ISOC1: variants seen among roughly 807,000 people sequenced by gnomAD.
The protein encoded by ISOC1 is isochorismatase domain containing 1.
A neutral mutation model predicts 30.0 loss-of-function variants in ISOC1; 33 were observed. The ratio of observed to expected loss-of-function variants is 1.10; its 90% CI spans 0.83 to 1.47. ISOC1 has a LOEUF of 1.47. ISOC1 is among the 40% of genes most tolerant of loss of function. The pLI is 0.00. For synonymous variants in ISOC1, 178 were observed against 159.8 expected (o/e 1.11, Z -0.86); for missense variants, 372 against 388.0 (o/e 0.96, Z 0.35).
intron 1 of ISOC1, among the ~76,000 whole-genome samples, chr5:129,098,927 T>C (rs540942772): frequency 3.5e-4 from 53 of 152,240 alleles, no homozygotes; most frequent in African/African-American, 1.3e-3. Flanking sequence ...CGCCTTTGGC[T>C]TGATAGTTTG....
At chr5:129,107,564 A>G (rs554669904) in intron 4 of ISOC1, among the ~76,000 whole-genome samples, 81 of 152,346 alleles carry the variant, frequency 5.3e-4, no homozygotes, top group Non-Finnish European at 1.1e-3. Flanking sequence ...ATAGGGCAGA[A>G]TAACATCTAT....
Position 129,102,625 on chromosome 5 carries a change from T to C in ISOC1, c.310-2331T>C, listed in dbSNP as rs1378277455. 9.2e-5 allele frequency among the ~76,000 whole-genome samples: 14 copies of C among 152,362 alleles called. 1 individual carries two copies. In the South Asian group the frequency reaches 2.9e-3, roughly 32 times the overall value. ...TCTGAAATATATAATTTAACAGTTT[T>C]CTTAATGAGTGTGCTGGAATGATGT... On this transcript the variant is annotated intron_variant, in intron 1 of 4. Coordinates refer to ENST00000173527, the MANE Select transcript of ISOC1 (RefSeq NM_016048.2).
At chr5:129,101,980 G>A (rs1288611555) in intron 1 of ISOC1, among the ~76,000 whole-genome samples, 3 of 152,108 alleles carry the variant, frequency 2.0e-5, no homozygotes, top group African/African-American at 4.8e-5. Flanking sequence ...AAGGTCACAA[G>A]GGTCATTCTC....
Position 129,094,834 on chromosome 5 carries a change from C to T in ISOC1, c.68C>T (p.Ser23Leu). The T allele has an allele frequency of 1.3e-6, 2 of 1,554,214 alleles. No homozygotes were observed. The highest frequency in any genetic ancestry group is 1.7e-6 in the Non-Finnish European group (2 of 1,152,804). The change falls in exon 1 of 5, where the codon TCG (serine) becomes TTG (leucine). Residue 23 changes from serine to leucine, a missense_variant. Ser to Leu is a moderately radical substitution (Grantham distance 145). Coordinates refer to ENST00000173527, the MANE Select transcript of ISOC1 (RefSeq NM_016048.2). ...NSGAGGAGAP[S>L]GTVPVLFCFS... is the part of the protein sequence containing the mutation. ...GGCGCCGGGGGCGCGGGGGCGCCGT[C>T]GGGCACAGTCCCGGTGCTCTTCTGT... is the stretch of plus-strand genomic sequence containing the variant.
At position 129,105,226 on chromosome 5, in the gene ISOC1, A is replaced by G. The variant is rs1036995877; in HGVS notation, c.471A>G (p.Thr157=). The G allele has an allele frequency of 1.2e-6, 2 of 1,613,882 alleles. No homozygotes were observed. The highest frequency in any genetic ancestry group is 1.7e-6 in the Non-Finnish European group (2 of 1,179,864). The stretch of plus-strand genomic sequence containing the variant: ...TTTTAGGAATTCCTGTTATTGTAAC[A>G]GAACAATACCCTAAAGGTCTTGGGA... The part of the protein sequence containing the change: ...ARILGIPVIV[T]EQYPKGLGST... Residue 157 remains threonine (T), a synonymous_variant, in exon 3 of 5, where the codon ACA becomes ACG. Transcript: ENST00000173527.
chr5:129,096,366 C>A (rs551498007), intron 1 of ISOC1, among the ~76,000 whole-genome samples: 2 of 152,218 alleles, frequency 1.3e-5, no homozygotes, highest in South Asian at 4.1e-4. Flanking sequence ...TTTTTTTCCG[C>A]TGTAGTTGGC....
intron 4 of ISOC1, among the ~76,000 whole-genome samples, chr5:129,110,728 G>A (rs1182355664): frequency 1.3e-5 from 2 of 152,224 alleles, no homozygotes; most frequent in Non-Finnish European, 2.9e-5. Context: ...GGGCATTGTA[G>A]ACAGGCTTCT....
At chr5:129,095,119 TC>T in intron 1 of ISOC1, 44 bp downstream of exon 1, 1 of 1,467,786 alleles carries the variant, frequency 6.8e-7, no homozygotes, top group Non-Finnish European at 9.0e-7. Flanking sequence ...TCCCGAGTCG[TC>T]CCCGTCCCCG....
intron 1 of ISOC1, 93 bp from the exon 2 acceptor site, chr5:129,104,863 A>C: frequency 7.6e-7 from 1 of 1,309,438 alleles, no homozygotes; most frequent in East Asian, 2.4e-5. Context: ...TGGCTCAAAC[A>C]ATAGGACCAT....
rs1162769928 is a variant in ISOC1, at chr5:129,105,336, C to T, written c.581C>T (p.Ala194Val). ...KFSMVLPEVEAALAEIPGVRS... is the reference protein window; with the variant it reads ...KFSMVLPEVEVALAEIPGVRS... ...TCAATGGTATTACCAGAAGTAGAAGCGGCATTAGCAGAGATTCCCGGAGTC... is the reference window on the plus strand; with the variant it reads ...TCAATGGTATTACCAGAAGTAGAAGTGGCATTAGCAGAGATTCCCGGAGTC... The change falls in exon 3 of 5, where the codon GCG becomes GTG. Residue 194 changes from alanine to valine, a missense_variant. Transcript: ENST00000173527. The T allele has an allele frequency of 9.9e-6, 16 of 1,613,682 alleles. No individual in the cohort carries two copies. Among genetic ancestry groups the T allele is most frequent in the Middle Eastern group, 3.3e-4 (2 of 6,060 alleles).
chr5:129,113,137 G>A lies in ISOC1; in HGVS notation c.*136G>A. The A allele has an allele frequency of 1.4e-6, 1 of 719,080 alleles. No individual in the cohort carries two copies. The allele number at this position is 719,080 out of a possible 1,614,324, so 44.5% of individuals were successfully genotyped here. A position where few individuals can be genotyped will look rare whatever the true frequency, so the allele number is the denominator to read the frequency against. The stretch of plus-strand genomic sequence containing the variant: ...AACGGCTCCTTTTTTGCGCCTCCTA[G>A]TGAAACTTAACCAGCTAGACCATTT... On this transcript the variant is annotated 3_prime_UTR_variant, in exon 5 of 5. Transcript: ENST00000173527.
Position 129,094,848 on chromosome 5 carries a change from G to C in ISOC1, c.82G>C (p.Val28Leu), listed in dbSNP as rs1452249002. The part of the protein sequence containing the change: ...GAGAPSGTVP[V>L]LFCFSVFARP... ...GGGGGCGCCGTCGGGCACAGTCCCGGTGCTCTTCTGTTTCTCAGTCTTCGC... is the reference window on the plus strand; with the variant it reads ...GGGGGCGCCGTCGGGCACAGTCCCGCTGCTCTTCTGTTTCTCAGTCTTCGC... Residue 28 changes from valine to leucine, a missense_variant, in exon 1 of 5, where the codon GTG (valine) becomes CTG (leucine). Physicochemically the swap from Val to Leu is conservative, Grantham distance 32 (BLOSUM62 1). Transcript: ENST00000173527. The C allele has an allele frequency of 6.4e-7, 1 of 1,569,670 alleles. No individual in the cohort carries two copies. Among genetic ancestry groups the C allele is most frequent in the African/African-American group, 1.3e-5 (1 of 74,302 alleles).
At chr5:129,106,737 C>A (rs1205788397) in intron 3 of ISOC1, among the ~76,000 whole-genome samples, 1 of 152,164 alleles carries the variant, frequency 6.6e-6, no homozygotes, top group Admixed American at 6.5e-5. Flanking sequence ...TGGCCTAATT[C>A]AGTTCCTGAT....
At chr5:129,103,728 G>A (rs1753598647) in intron 1 of ISOC1, among the ~76,000 whole-genome samples, 1 of 152,100 alleles carries the variant, frequency 6.6e-6, no homozygotes, top group South Asian at 2.1e-4. Flanking sequence ...CTGTGTTGGT[G>A]GTGAAGCCAC....
At chr5:129,099,301 G>A (rs1753544439) in intron 1 of ISOC1, among the ~76,000 whole-genome samples, 1 of 152,262 alleles carries the variant, frequency 6.6e-6, no homozygotes, top group East Asian at 1.9e-4. Context: ...CTTCACCCCA[G>A]TCTGAGGCAC....
At chr5:129,109,420 A>G (rs1192229813) in intron 4 of ISOC1, among the ~76,000 whole-genome samples, 1 of 152,248 alleles carries the variant, frequency 6.6e-6, no homozygotes, top group African/African-American at 2.4e-5. Flanking sequence ...GTAAATACTC[A>G]GATGTTAGCT....
chr5:129,095,082 C>T lies in ISOC1; in HGVS notation c.309+7C>T, dbSNP rs777990676. 4.9e-5 allele frequency: 76 copies of T among 1,546,664 alleles called. No homozygotes were observed. Among genetic ancestry groups the T allele is most frequent in the Non-Finnish European group, 6.5e-5 (75 of 1,151,112 alleles). ...CGTGCCGTTGCAGATCCAGGTGGGT[C>T]CTGCGGGAGGCCGCGCGCTTCCCTG... On this transcript the variant is annotated splice_region_variant and intron_variant, in intron 1 of 4. Coordinates refer to ENST00000173527, the MANE Select transcript of ISOC1 (RefSeq NM_016048.2).
intron 1 of ISOC1, among the ~76,000 whole-genome samples, chr5:129,101,645 C>T (rs1753573726): frequency 6.6e-6 from 1 of 152,108 alleles, no homozygotes; most frequent in South Asian, 2.1e-4. Flanking sequence ...CTAACATTAA[C>T]ATTTGATATT....
rs539066812 is a variant in ISOC1 at position 129,100,889 on chromosome 5, TATC to T, written c.310-4064_310-4062del. ...AAGGTATAGACGTTATTCCCCCAAATATCATAGCATAGGGAGGCCATTAAAAAA... is the reference window on the plus strand; with the variant it reads ...AAGGTATAGACGTTATTCCCCCAAATATAGCATAGGGAGGCCATTAAAAAA... On this transcript the variant is annotated intron_variant, in intron 1 of 4. Transcript: ENST00000173527. 4.3e-3 allele frequency among the ~76,000 whole-genome samples: 658 copies of T among 151,272 alleles called. 8 individuals are homozygous for T. The highest frequency in any genetic ancestry group is 0.024 in the Middle Eastern group (7 of 292).
Sources: allele counts gnomAD v4.1 joint callset (sites outside exome capture counted in the v4.1 genomes callset), GRCh38; gene constraint gnomAD v4.1.1; transcripts MANE v1.5; gene names NCBI Gene and HGNC (gene_info 2026-07-23, HGNC 2026-07-21).